The following COL11A1 variants were observed in gnomAD, a reference collection of about 807,000 sequenced individuals.
COL11A1 encodes collagen alpha-1(XI) chain.
In COL11A1, 74 loss-of-function variants were observed where a neutral mutation model predicts 265.2. The ratio of observed to expected loss-of-function variants is 0.28; its 90% CI spans 0.23 to 0.34. COL11A1 has a LOEUF of 0.34. COL11A1 is among the 10% of genes least tolerant of loss of function. The pLI is 1.00. For missense variants in COL11A1, 2,165 were observed against 2,263.6 expected, an observed-to-expected ratio of 0.96 and a Z score of 0.88; for synonymous variants, 816 against 727.6, an observed-to-expected ratio of 1.12 and a Z score of -1.96.
chr1:102,969,918 A>G (rs1661794541), intron 37 of COL11A1, among the ~76,000 whole-genome samples: 1 of 152,094 alleles, frequency 6.6e-6, no homozygotes, highest in Non-Finnish European at 1.5e-5. Context: ...AGTGAGAGGG[A>G]AAATCTTGAG....
intron 54 of COL11A1, among the ~76,000 whole-genome samples, chr1:102,909,280 C>T (rs1221070990): frequency 2.0e-5 from 3 of 152,150 alleles, no homozygotes; most frequent in Admixed American, 6.6e-5. Context: ...TATCACTGCA[C>T]ACACCCCCTC....
At chr1:102,891,805 C>T (rs1435276858) in intron 57 of COL11A1, among the ~76,000 whole-genome samples, 1 of 151,830 alleles carries the variant, frequency 6.6e-6, no homozygotes, top group Non-Finnish European at 1.5e-5. Flanking sequence ...GTCACTTGAA[C>T]CCATGAGTTT....
intron 42 of COL11A1, among the ~76,000 whole-genome samples, chr1:102,941,612 T>C (rs2622866): frequency 0.012 from 1,832 of 152,192 alleles, 42 homozygotes; most frequent in African/African-American, 0.042. Flanking sequence ...CCTGAGCACA[T>C]TTTTTTCCTC....
rs1664980819 is a variant in COL11A1, at chr1:103,000,198, A to G, written c.2142+1727T>C. 5.3e-5 allele frequency among the ~76,000 whole-genome samples: 8 copies of G among 151,890 alleles called. No individual in the cohort carries two copies. In the South Asian group the frequency reaches 1.7e-3, roughly 31 times the overall value. Reference sequence around the variant, plus strand: ...TAGGTGCATGTGTCAAGTGCAATACAAAATAAATATAGTATATTTTTAATG... The same window carrying G: ...TAGGTGCATGTGTCAAGTGCAATACGAAATAAATATAGTATATTTTTAATG... On this transcript the variant is annotated intron_variant, in intron 24 of 66. Coordinates refer to ENST00000370096, the MANE Select transcript of COL11A1 (RefSeq NM_001854.4).
At chr1:102,897,552 C>T (rs1652593596) in intron 57 of COL11A1, among the ~76,000 whole-genome samples, 1 of 151,944 alleles carries the variant, frequency 6.6e-6, no homozygotes. Context: ...AGCCTCAGAT[C>T]CTATAATAAA....
chr1:103,038,231 G>T (rs938482613), intron 4 of COL11A1, among the ~76,000 whole-genome samples: 8 of 152,162 alleles, frequency 5.3e-5, no homozygotes, highest in African/African-American at 1.9e-4. Flanking sequence ...GGGAGGCTGA[G>T]GTGGGTGGAT....
At chr1:103,053,142 A>T (rs1222360922) in intron 4 of COL11A1, among the ~76,000 whole-genome samples, 6 of 152,162 alleles carry the variant, frequency 3.9e-5, no homozygotes, top group Admixed American at 1.3e-4. Context: ...CAAAATAGAA[A>T]TCCAAATTAA....
At chr1:102,956,959 A>C (rs1437086474) in intron 41 of COL11A1, among the ~76,000 whole-genome samples, 5 of 151,896 alleles carry the variant, frequency 3.3e-5, no homozygotes, top group Non-Finnish European at 7.4e-5. Context: ...AAGAAATTGC[A>C]AATATTTTTA....
chr1:103,015,051 C>T (rs1487978196), intron 12 of COL11A1, among the ~76,000 whole-genome samples: 1 of 151,818 alleles, frequency 6.6e-6, no homozygotes, highest in African/African-American at 2.4e-5. Flanking sequence ...TTTTGTTCAC[C>T]CATTCTTAAG....
At chr1:103,051,023 C>T (rs987730284) in intron 4 of COL11A1, among the ~76,000 whole-genome samples, 8 of 152,204 alleles carry the variant, frequency 5.3e-5, no homozygotes, top group South Asian at 2.1e-4. Context: ...TGGGGGATGC[C>T]TCCCAGTTAG....
At chr1:102,948,009 A>C (rs1659495568) in intron 41 of COL11A1, among the ~76,000 whole-genome samples, 1 of 151,994 alleles carries the variant, frequency 6.6e-6, no homozygotes, top group South Asian at 2.1e-4. Context: ...TTCAAAACTC[A>C]GAGAAAATTA....
chr1:102,879,501 CTG>C (rs1649958902), intron 66 of COL11A1, among the ~76,000 whole-genome samples, 180 bp downstream of exon 66: 1 of 152,112 alleles, frequency 6.6e-6, no homozygotes, highest in Non-Finnish European at 1.5e-5. Flanking sequence ...ATGTGCATAA[CTG>C]TGTGTGTGTT....
chr1:102,933,789 G>A (rs1168010746), intron 46 of COL11A1, among the ~76,000 whole-genome samples: 1 of 152,176 alleles, frequency 6.6e-6, no homozygotes, highest in African/African-American at 2.4e-5. Flanking sequence ...ATATAATCTC[G>A]TGGTGCGCCG....
intron 44 of COL11A1, among the ~76,000 whole-genome samples, chr1:102,935,936 G>C (rs1475329349): frequency 6.6e-6 from 1 of 152,012 alleles, no homozygotes; most frequent in Non-Finnish European, 1.5e-5. Context: ...TAACTATATA[G>C]ACTTTTGCAC....
chr1:102,964,789 C>A (rs1661251630), intron 38 of COL11A1, among the ~76,000 whole-genome samples: 1 of 152,124 alleles, frequency 6.6e-6, no homozygotes, highest in Admixed American at 6.5e-5. Flanking sequence ...GGGCTAAATT[C>A]CAGTCCAGAA....
At chr1:103,032,992 C>A (rs1471683176) in intron 4 of COL11A1, among the ~76,000 whole-genome samples, 1 of 152,070 alleles carries the variant, frequency 6.6e-6, no homozygotes, top group African/African-American at 2.4e-5. Flanking sequence ...TTTCATGACA[C>A]CTAAAAGTTA....
intron 25 of COL11A1, among the ~76,000 whole-genome samples, chr1:102,997,462 C>T (rs1256091236): frequency 1.3e-5 from 2 of 151,910 alleles, no homozygotes; most frequent in Non-Finnish European, 1.5e-5. Context: ...TTTAAATCTG[C>T]CTTATATTTA....
At chr1:102,927,718 G>A (rs1480175136) in intron 46 of COL11A1, among the ~76,000 whole-genome samples, 2 of 151,916 alleles carry the variant, frequency 1.3e-5, no homozygotes, top group Non-Finnish European at 2.9e-5. Context: ...GAGTCCAATT[G>A]TAAGATATAT....
chr1:103,032,415 C>T (rs1220061815), intron 4 of COL11A1, among the ~76,000 whole-genome samples: 1 of 151,978 alleles, frequency 6.6e-6, no homozygotes, highest in African/African-American at 2.4e-5. Context: ...AAGTATTATA[C>T]ACAAAATATT....
Sources: allele counts gnomAD v4.1 joint callset (sites outside exome capture counted in the v4.1 genomes callset), GRCh38; gene constraint gnomAD v4.1.1; transcripts MANE v1.5; gene names NCBI Gene and HGNC (gene_info 2026-07-23, HGNC 2026-07-21).